Variants in SCN10A observed in about 807,000 individuals in gnomAD.
SCN10A encodes sodium voltage-gated channel alpha subunit 10.
Under a neutral mutation model 170.7 loss-of-function variants are expected in SCN10A, and 162 were observed. That is an observed-to-expected ratio of 0.95 (90% confidence interval 0.84 to 1.08). The LOEUF (loss-of-function observed/expected upper bound fraction) is 1.08. SCN10A is among the 50% of genes least tolerant of loss of function. SCN10A has a pLI of 0.00. For missense variants in SCN10A, 2,527 were observed against 2,436.9 expected (o/e 1.04, Z -0.78); for synonymous variants, 985 against 904.6 (o/e 1.09, Z -1.59).
At chr3:38,702,545 C>T (rs866619308) in intron 26 of SCN10A, among the ~76,000 whole-genome samples, 1 of 152,236 alleles carries the variant, frequency 6.6e-6, no homozygotes, top group Non-Finnish European at 1.5e-5. Flanking sequence ...GTATATGCGT[C>T]TTCTCTACTA....
chr3:38,702,055 T>C lies in SCN10A; in HGVS notation c.4441A>G (p.Thr1481Ala). ...TTGAGGCAGATGAGGACCATGATGGTGATGTCAAAAGCTTGTCTGGTCACG... is the reference window on the plus strand; with the variant it reads ...TTGAGGCAGATGAGGACCATGATGGCGATGTCAAAAGCTTGTCTGGTCACG... The part of the protein sequence containing the change: ...DIVTRQAFDI[T>A]IMVLICLNMI... The change falls in exon 27 of 28, where the codon ACC (threonine) becomes GCC (alanine). Residue 1481 changes from threonine (T) to alanine (A), a missense_variant. Thr to Ala is a moderately conservative substitution (Grantham distance 58). Transcript: ENST00000449082. 7 of 1,598,328 alleles carry C rather than the reference T, an allele frequency of 4.4e-6. No homozygotes were observed. The highest frequency in any genetic ancestry group is 6.0e-6 in the Non-Finnish European group (7 of 1,172,532).
rs1276989301 is a variant in SCN10A, at chr3:38,755,878, C to G, written c.1371G>C (p.Glu457Asp). The change falls in exon 11 of 28, where the codon GAG becomes GAC. Residue 457 changes from glutamate to aspartate, a missense_variant. Physicochemically the swap from Glu to Asp is conservative, Grantham distance 45. Transcript: ENST00000449082. ...CTCTTGGCTTTATTCTATGCCTTCT[C>G]TCACTGGCATTTTTGGAGGTTAAAG... Reference protein sequence around the residue: ...GSPLTSKNASERRHRIKPRVS... With the variant: ...GSPLTSKNASDRRHRIKPRVS... The G allele has an allele frequency of 3.1e-6, 5 of 1,614,200 alleles. No individual in the cohort carries two copies. Among genetic ancestry groups the G allele is most frequent in the Non-Finnish European group, 4.2e-6 (5 of 1,180,022 alleles).
At chr3:38,803,321 A>T (rs1420154324) in intron 1 of SCN10A, among the ~76,000 whole-genome samples, 2 of 152,144 alleles carry the variant, frequency 1.3e-5, no homozygotes, top group African/African-American at 2.4e-5. Context: ...AAGGATTATA[A>T]ATCATGCTGC....
chr3:38,748,642 C>G (rs2063717051), intron 13 of SCN10A, among the ~76,000 whole-genome samples: 1 of 152,066 alleles, frequency 6.6e-6, no homozygotes. Context: ...TCTAGTTTCC[C>G]TCTATGGGTC....
chr3:38,708,268 G>C (rs1205503111), intron 25 of SCN10A, among the ~76,000 whole-genome samples: 1 of 152,100 alleles, frequency 6.6e-6, no homozygotes, highest in Admixed American at 6.5e-5. Context: ...GTCATGCTGA[G>C]AACTCTGACC....
intron 4 of SCN10A, among the ~76,000 whole-genome samples, chr3:38,783,763 C>T (rs2064166052): frequency 6.6e-6 from 1 of 151,920 alleles, no homozygotes; most frequent in Non-Finnish European, 1.5e-5. Context: ...ATGCTTACAC[C>T]TTTACTAGAT....
chr3:38,814,357 C>G (rs1021939048), intron 1 of SCN10A, among the ~76,000 whole-genome samples: 4 of 151,982 alleles, frequency 2.6e-5, no homozygotes, highest in African/African-American at 9.7e-5. Flanking sequence ...TAGGGCTGGT[C>G]TGTATTCTGA....
intron 22 of SCN10A, among the ~76,000 whole-genome samples, chr3:38,713,086 A>G (rs1186637086): frequency 1.3e-5 from 2 of 152,202 alleles, no homozygotes; most frequent in Admixed American, 1.3e-4. Context: ...ATTTGTAATT[A>G]TGAGGAAGAG....
chr3:38,785,547 A>G (rs1049069450), intron 4 of SCN10A, among the ~76,000 whole-genome samples: 4 of 152,216 alleles, frequency 2.6e-5, no homozygotes, highest in Non-Finnish European at 5.9e-5. Flanking sequence ...AAACCTAGGC[A>G]ATACCCTTCA....
intron 13 of SCN10A, among the ~76,000 whole-genome samples, chr3:38,745,130 G>A (rs2126017240): frequency 6.6e-6 from 1 of 152,294 alleles, no homozygotes; most frequent in East Asian, 1.9e-4. Context: ...GAGGCATGAT[G>A]GGAAAAGAGA....
At chr3:38,722,505 C>T (rs772232639) in intron 19 of SCN10A, 93 bp from the exon 20 acceptor site, 56 of 1,452,584 alleles carry the variant, frequency 3.9e-5, no homozygotes, top group Non-Finnish European at 5.1e-5. Flanking sequence ...TGCTAGGAAA[C>T]CCACTTGTCA....
At chr3:38,701,673 C>T (rs2063157610) in intron 27 of SCN10A, among the ~76,000 whole-genome samples, 166 bp downstream of exon 27, 1 of 152,180 alleles carries the variant, frequency 6.6e-6, no homozygotes, top group Admixed American at 6.5e-5. Context: ...GAGAGCAGCC[C>T]AAGGCATTTA....
At chr3:38,791,712 G>A (rs2064283168) in intron 3 of SCN10A, among the ~76,000 whole-genome samples, 1 of 152,134 alleles carries the variant, frequency 6.6e-6, no homozygotes, top group Admixed American at 6.5e-5. Context: ...GGGGAAAGCG[G>A]ACCACACACC....
At chr3:38,802,471 C>A (rs2064378521) in intron 1 of SCN10A, among the ~76,000 whole-genome samples, 1 of 152,082 alleles carries the variant, frequency 6.6e-6, no homozygotes, top group African/African-American at 2.4e-5. Context: ...AGCCTTCTCC[C>A]GTTTTAACAC....
chr3:38,789,303 A>G (rs1458235427), intron 3 of SCN10A, among the ~76,000 whole-genome samples: 1 of 152,150 alleles, frequency 6.6e-6, no homozygotes, highest in Non-Finnish European at 1.5e-5. Flanking sequence ...ATAAAAGTTA[A>G]ATAACTTTTC....
chr3:38,803,745 A>G (rs1332289219), intron 1 of SCN10A, among the ~76,000 whole-genome samples: 1 of 152,038 alleles, frequency 6.6e-6, no homozygotes, highest in Non-Finnish European at 1.5e-5. Flanking sequence ...GCATGTATAC[A>G]TATGTAACAA....
At position 38,697,928 on chromosome 3, in the gene SCN10A, G is replaced by C; in HGVS notation, c.5292C>G (p.Leu1764=). The change falls in exon 28 of 28, where the codon CTC becomes CTG. Residue 1764 remains leucine, a synonymous_variant. Transcript: ENST00000449082. Reference sequence around the variant, plus strand: ...CAGAGAGAGTGTCTGCAAAGTCCGAGAGAGCAGAAAAGGTAATAAACTGAG... The same window carrying C: ...CAGAGAGAGTGTCTGCAAAGTCCGACAGAGCAGAAAAGGTAATAAACTGAG... ...EATQFITFSA[L]SDFADTLSGP... 1 of 1,614,138 alleles carries C rather than the reference G, an allele frequency of 6.2e-7. No individual in the cohort carries two copies. The highest frequency in any genetic ancestry group is 8.5e-7 in the Non-Finnish European group (1 of 1,180,020).
intron 24 of SCN10A, among the ~76,000 whole-genome samples, chr3:38,710,173 T>C (rs560838702): frequency 4.2e-4 from 62 of 148,842 alleles, no homozygotes; most frequent in South Asian, 2.1e-3. Context: ...CTTTTCTTTT[T>C]TTTTGAGATT....
intron 15 of SCN10A, among the ~76,000 whole-genome samples, chr3:38,729,457 T>C (rs1416649983): frequency 6.6e-6 from 1 of 152,148 alleles, no homozygotes; most frequent in Non-Finnish European, 1.5e-5. Context: ...CATTCATAAG[T>C]TGATTTAATT....
Sources: gnomAD v4.1 joint callset for allele counts (sites outside exome capture counted in the v4.1 genomes callset) on GRCh38, gnomAD v4.1.1 for gene constraint, MANE v1.5 for transcripts, NCBI Gene and HGNC (gene_info 2026-07-23, HGNC 2026-07-21) for gene names.